Variants in NTRK2 observed in about 807,000 individuals in gnomAD.
The protein encoded by NTRK2 is BDNF/NT-3 growth factors receptor.
Under a neutral mutation model 94.5 loss-of-function variants are expected in NTRK2, and 13 were observed. That is an observed-to-expected ratio of 0.14 (90% CI 0.09 to 0.22). The LOEUF (loss-of-function observed/expected upper bound fraction) is 0.22. NTRK2 is among the 10% of genes least tolerant of loss of function. The probability of loss-of-function intolerance (pLI) is 1.00; values close to 1 mark genes in which losing one functional copy is unlikely to be tolerated. For synonymous variants in NTRK2, 372 were observed against 407.4 expected (o/e 0.91, Z 1.05); for missense variants, 639 against 1,071.2 (o/e 0.60, Z 5.63).
intron 12 of NTRK2, among the ~76,000 whole-genome samples, chr9:84,782,549 A>G (rs917641773): frequency 6.6e-6 from 1 of 152,196 alleles, no homozygotes; most frequent in Non-Finnish European, 1.5e-5. Flanking sequence ...GAAATGAAAA[A>G]AACAAATAAT....
intron 12 of NTRK2, among the ~76,000 whole-genome samples, chr9:84,803,426 A>C (rs2070732601): frequency 6.6e-6 from 1 of 152,202 alleles, no homozygotes; most frequent in African/African-American, 2.4e-5. Context: ...GCAGCGTCAG[A>C]AGCAGATATG....
intron 14 of NTRK2, among the ~76,000 whole-genome samples, chr9:84,931,716 C>CAAAAAAAAAAAAA (rs11395381): frequency 4.0e-5 from 4 of 100,376 alleles, no homozygotes; most frequent in Non-Finnish European, 6.8e-5. Flanking sequence ...TAATAAAATG[C>CAAAAAAAAAAAAA]AAAAAAAAAA....
At chr9:85,014,291 C>T (rs538835363) in intron 17 of NTRK2, among the ~76,000 whole-genome samples, 169 of 152,232 alleles carry the variant, frequency 1.1e-3, no homozygotes, top group African/African-American at 2.5e-3. Context: ...TTCTAAGAAG[C>T]CCAACATAGT....
At chr9:84,702,120 A>C (rs368535776) in intron 2 of NTRK2, 39 bp from the exon 3 acceptor site, 4 of 1,590,296 alleles carry the variant, frequency 2.5e-6, no homozygotes, top group Non-Finnish European at 3.4e-6. Flanking sequence ...TGCTGCCTAC[A>C]TTCTGAGTCA....
At chr9:84,739,696 A>G (rs2063501959) in intron 9 of NTRK2, among the ~76,000 whole-genome samples, 1 of 152,108 alleles carries the variant, frequency 6.6e-6, no homozygotes, top group African/African-American at 2.4e-5. Flanking sequence ...CTGAGAATAA[A>G]TCAGTGGCCA....
intron 12 of NTRK2, among the ~76,000 whole-genome samples, chr9:84,762,977 C>T (rs1023565688): frequency 2.6e-5 from 4 of 152,144 alleles, no homozygotes; most frequent in African/African-American, 9.7e-5. Context: ...TTGTCCTTGG[C>T]CACCACTCTA....
chr9:84,791,880 A>T (rs2068772795), intron 12 of NTRK2, among the ~76,000 whole-genome samples: 1 of 152,194 alleles, frequency 6.6e-6, no homozygotes, highest in Non-Finnish European at 1.5e-5. Context: ...CACTGGGAAT[A>T]TGGTAAAACA....
At chr9:84,813,458 C>G in intron 12 of NTRK2, 1 of 1,064,960 alleles carries the variant, frequency 9.4e-7, no homozygotes, top group Non-Finnish European at 1.1e-6. Context: ...GATCATTGTT[C>G]TCTCACGGTA....
intron 14 of NTRK2, among the ~76,000 whole-genome samples, chr9:84,883,738 C>A (rs986071358): frequency 1.3e-5 from 2 of 152,154 alleles, no homozygotes; most frequent in Non-Finnish European, 2.9e-5. Context: ...AAAGGATTGG[C>A]AATTTTTTTA....
chr9:84,718,527 C>T (rs747340286), intron 6 of NTRK2, among the ~76,000 whole-genome samples: 1 of 152,166 alleles, frequency 6.6e-6, no homozygotes, highest in Non-Finnish European at 1.5e-5. Context: ...GCCAGTACAT[C>T]CTTCCTGAAG....
chr9:84,738,903 A>T (rs1480525267), intron 9 of NTRK2, among the ~76,000 whole-genome samples: 2 of 152,184 alleles, frequency 1.3e-5, no homozygotes, highest in East Asian at 1.9e-4. Flanking sequence ...ATCTGGGAGG[A>T]TGAAATTAGG....
Position 85,025,581 on chromosome 9 carries a change from T to G in NTRK2, c.*4144T>G, listed in dbSNP as rs1832993528. ...AGTATGGACTTTCTTTGAATCTTTCTTTTCACAAATTGGACTGCCTGTAAT... is the reference window on the plus strand; with the variant it reads ...AGTATGGACTTTCTTTGAATCTTTCGTTTCACAAATTGGACTGCCTGTAAT... On this transcript the variant is annotated 3_prime_UTR_variant, in exon 19 of 19. Coordinates refer to ENST00000277120, the MANE Select transcript of NTRK2 (RefSeq NM_006180.6). The G allele has an allele frequency of 4.3e-6, 1 of 233,262 alleles. No individual in the cohort carries two copies. The highest frequency in any genetic ancestry group is 6.0e-5 in the East Asian group (1 of 16,580). The allele number at this position is 233,262 out of a possible 1,614,324, so 14.4% of individuals were successfully genotyped here. A position where few individuals can be genotyped will look rare whatever the true frequency, so the allele number is the denominator to read the frequency against.
intron 12 of NTRK2, among the ~76,000 whole-genome samples, chr9:84,776,761 C>T (rs368986751): frequency 7.2e-5 from 11 of 152,308 alleles, no homozygotes; most frequent in African/African-American, 2.4e-4. Context: ...GATGCCTGCA[C>T]ATTCTCTGGA....
chr9:84,729,064 G>T (rs1207512502), intron 9 of NTRK2, among the ~76,000 whole-genome samples: 1 of 152,168 alleles, frequency 6.6e-6, no homozygotes, highest in South Asian at 2.1e-4. Context: ...GACTTGTAAG[G>T]CAGGGGCTGC....
intron 12 of NTRK2, among the ~76,000 whole-genome samples, chr9:84,799,309 A>G (rs2133358498): frequency 6.6e-6 from 1 of 152,330 alleles, no homozygotes; most frequent in African/African-American, 2.4e-5. Context: ...TCAGATAAAA[A>G]AAAAATTAGG....
chr9:85,012,058 G>A (rs1043044559), intron 17 of NTRK2, among the ~76,000 whole-genome samples: 3 of 150,528 alleles, frequency 2.0e-5, no homozygotes, highest in East Asian at 2.0e-4. Context: ...GCGCGATCTC[G>A]GCTCACTGCA....
intron 14 of NTRK2, among the ~76,000 whole-genome samples, chr9:84,894,983 G>GA (rs1005581084): frequency 4.6e-5 from 7 of 151,848 alleles, no homozygotes; most frequent in Non-Finnish European, 7.4e-5. Context: ...AGCAATAATG[G>GA]AAAAAAATAT....
At chr9:84,723,414 C>T (rs1382833571) in intron 6 of NTRK2, among the ~76,000 whole-genome samples, 159 bp from the exon 7 acceptor site, 1 of 152,152 alleles carries the variant, frequency 6.6e-6, no homozygotes, top group Non-Finnish European at 1.5e-5. Context: ...ATCTATGAAG[C>T]TGATCAAAGT....
chr9:84,807,285 C>T (rs934344625), intron 12 of NTRK2, among the ~76,000 whole-genome samples: 1 of 152,178 alleles, frequency 6.6e-6, no homozygotes, highest in African/African-American at 2.4e-5. Context: ...CAGAGCACTT[C>T]GCTGACCTTC....
Sources: allele counts gnomAD v4.1 joint callset (sites outside exome capture counted in the v4.1 genomes callset), GRCh38; gene constraint gnomAD v4.1.1; transcripts MANE v1.5; gene names NCBI Gene and HGNC (gene_info 2026-07-23, HGNC 2026-07-21).